ACSM3: variants seen among roughly 807,000 people sequenced by gnomAD.
The protein encoded by ACSM3 is acyl-CoA synthetase medium chain family member 3, also known as acyl-coenzyme A synthetase ACSM3, mitochondrial.
In ACSM3, 61 loss-of-function variants were observed where a neutral mutation model predicts 74.1. That is an observed-to-expected ratio of 0.82 (90% CI 0.67 to 1.02). ACSM3 has a LOEUF of 1.02. Ranked by LOEUF, ACSM3 falls within the 50% of genes least tolerant of loss-of-function variation. The pLI, the probability that ACSM3 is intolerant of heterozygous loss-of-function variation, is 0.00. For synonymous variants in ACSM3, 213 were observed against 241.5 expected, an observed-to-expected ratio of 0.88 and a Z score of 1.09; for missense variants, 660 against 697.0, an observed-to-expected ratio of 0.95 and a Z score of 0.60.
intron 3 of ACSM3, among the ~76,000 whole-genome samples, chr16:20,776,714 G>C (rs1449537407): frequency 6.6e-6 from 1 of 152,198 alleles, no homozygotes; most frequent in Admixed American, 6.5e-5. Flanking sequence ...AGCTCACAGA[G>C]GTGAAGTGGC....
intron 1 of ACSM3, among the ~76,000 whole-genome samples, chr16:20,748,980 A>C (rs1315503578): frequency 6.6e-6 from 1 of 152,126 alleles, no homozygotes; most frequent in Non-Finnish European, 1.5e-5. Context: ...TGAACCCAGG[A>C]AATGGAGGTT....
chr16:20,739,243 T>C (rs1357047244), intron 1 of ACSM3, among the ~76,000 whole-genome samples: 1 of 152,030 alleles, frequency 6.6e-6, no homozygotes, highest in Non-Finnish European at 1.5e-5. Flanking sequence ...TGGTGCGATC[T>C]TGACTTGCTG....
chr16:20,676,581 G>T (rs947743804), intron 1 of ACSM3, among the ~76,000 whole-genome samples: 5 of 152,134 alleles, frequency 3.3e-5, no homozygotes, highest in Non-Finnish European at 7.3e-5. Context: ...GTGGTTACAA[G>T]GTGTACATTA....
intron 1 of ACSM3, among the ~76,000 whole-genome samples, chr16:20,693,006 T>C (rs1407290734): frequency 1.3e-5 from 2 of 152,002 alleles, no homozygotes; most frequent in Non-Finnish European, 2.9e-5. Flanking sequence ...CTGTCTCTAC[T>C]AAAAATTTGA....
intron 3 of ACSM3, among the ~76,000 whole-genome samples, chr16:20,757,100 A>T (rs1442574229): frequency 6.6e-6 from 1 of 151,094 alleles, no homozygotes; most frequent in African/African-American, 2.4e-5. Flanking sequence ...TTGGCTTAGG[A>T]TTGACTTGGT....
chr16:20,764,716 C>G (rs1427304784), intron 1 of ACSM3: 5 of 152,160 alleles, frequency 3.3e-5, no homozygotes, highest in Admixed American at 3.3e-4. Flanking sequence ...GAACAAGACT[C>G]CATCTCAAAA....
intron 2 of ACSM3, among the ~76,000 whole-genome samples, chr16:20,770,605 T>C (rs1214616736): frequency 6.6e-6 from 1 of 151,848 alleles, no homozygotes; most frequent in Non-Finnish European, 1.5e-5. Context: ...CAGATAAATC[T>C]TTGGGGAAAA....
intron 1 of ACSM3, among the ~76,000 whole-genome samples, chr16:20,690,029 G>C (rs2152334031): frequency 6.6e-6 from 1 of 152,276 alleles, no homozygotes. Flanking sequence ...TGATTGCCAA[G>C]GCACATAACA....
At chr16:20,691,231 A>C in intron 1 of ACSM3, 1 of 1,476,294 alleles carries the variant, frequency 6.8e-7, no homozygotes, top group Non-Finnish European at 9.0e-7. Context: ...TTCTCAAGTC[A>C]CCACCTGCCT....
chr16:20,766,425 C>A (rs746540007), intron 1 of ACSM3, among the ~76,000 whole-genome samples: 1 of 151,756 alleles, frequency 6.6e-6, no homozygotes, highest in Non-Finnish European at 1.5e-5. Flanking sequence ...AGGCCGTGTG[C>A]GTGTTTGTGT....
chr16:20,733,553 G>C (rs1469313713), intron 1 of ACSM3: 3 of 151,886 alleles, frequency 2.0e-5, no homozygotes, highest in Non-Finnish European at 4.4e-5. Flanking sequence ...TTAGGCTCAT[G>C]TCCATGGCAT....
At chr16:20,756,828 G>A (rs1216510639) in intron 3 of ACSM3, among the ~76,000 whole-genome samples, 3 of 152,262 alleles carry the variant, frequency 2.0e-5, no homozygotes, top group Non-Finnish European at 2.9e-5. Flanking sequence ...GTAAGGAAGG[G>A]ATCCAGTTTC....
At chr16:20,737,249 A>C (rs1434117904) in intron 1 of ACSM3, 1 of 1,613,840 alleles carries the variant, frequency 6.2e-7, no homozygotes, top group Admixed American at 1.7e-5. Context: ...GATTGGTGAG[A>C]TCCACTTTAT....
intron 1 of ACSM3, chr16:20,742,013 G>A (rs903198814): frequency 6.8e-7 from 1 of 1,477,398 alleles, no homozygotes; most frequent in East Asian, 2.6e-5. Context: ...AAGTGGTGTC[G>A]GTGGCTCCTC....
rs1479689651 is a variant in ACSM3 at position 20,792,244 on chromosome 16, T to C, written c.1463T>C (p.Ile488Thr). ...DDVILSSGYR[I>T]GPFEVENALN... Reference sequence around the variant, plus strand: ...GCCATATGTGTTTCTAGCTATCGAATTGGACCATTTGAGGTAGAAAATGCC... The same window carrying C: ...GCCATATGTGTTTCTAGCTATCGAACTGGACCATTTGAGGTAGAAAATGCC... Residue 488 changes from isoleucine (I) to threonine (T), a missense_variant, in exon 12 of 14, where the codon ATT (isoleucine) becomes ACT (threonine). Ile to Thr is a moderately conservative substitution (Grantham distance 89, BLOSUM62 -1). Transcript: ENST00000289416. The C allele has an allele frequency of 6.2e-7, 1 of 1,614,130 alleles. No homozygotes were observed. The highest frequency in any genetic ancestry group is 8.5e-7 in the Non-Finnish European group (1 of 1,179,978).
intron 1 of ACSM3, chr16:20,703,302 TTTTG>T (rs2079718459): frequency 6.6e-6 from 1 of 152,338 alleles, no homozygotes; most frequent in African/African-American, 2.4e-5. Flanking sequence ...ATGGGCTCTT[TTTTG>T]TTCCATATGA....
chr16:20,792,390 T>G, intron 12 of ACSM3, 55 bp downstream of exon 12: 1 of 1,600,108 alleles, frequency 6.2e-7, no homozygotes, highest in Non-Finnish European at 8.6e-7. Context: ...TAACACATAC[T>G]TACAAACAGT....
chr16:20,706,870 A>T (rs2079729639), intron 1 of ACSM3, among the ~76,000 whole-genome samples: 1 of 152,158 alleles, frequency 6.6e-6, no homozygotes, highest in Admixed American at 6.5e-5. Context: ...AGACATGTCC[A>T]TATGAGTCCC....
At chr16:20,741,373 C>T in intron 1 of ACSM3, 2 of 1,130,294 alleles carry the variant, frequency 1.8e-6, no homozygotes, top group South Asian at 1.6e-5. Flanking sequence ...ACGGAAACGC[C>T]GGCGAGGCCA....
Sources: allele counts gnomAD v4.1 joint callset (sites outside exome capture counted in the v4.1 genomes callset), GRCh38; gene constraint gnomAD v4.1.1; transcripts MANE v1.5; gene names NCBI Gene and HGNC (gene_info 2026-07-23, HGNC 2026-07-21).